Variants in POP1 observed in about 807,000 individuals in gnomAD.
POP1 encodes POP1 ribonuclease P/MRP subunit, also known as ribonucleases P/MRP protein subunit POP1.
In POP1, 75 loss-of-function variants were observed where a neutral mutation model predicts 102.2. That is an observed-to-expected ratio of 0.73 (90% CI 0.61 to 0.89). The LOEUF (loss-of-function observed/expected upper bound fraction) is 0.89. POP1 is among the 40% of genes least tolerant of loss of function. The pLI, the probability that POP1 is intolerant of heterozygous loss-of-function variation, is 0.00. For synonymous variants in POP1, 436 were observed against 464.1 expected (o/e 0.94, Z 0.78); for missense variants, 1,116 against 1,267.4 (o/e 0.88, Z 1.81).
At chr8:98,155,097 T>G (rs1279761406) in intron 14 of POP1, among the ~76,000 whole-genome samples, 1 of 152,150 alleles carries the variant, frequency 6.6e-6, no homozygotes, top group African/African-American at 2.4e-5. Context: ...AAACTTCATG[T>G]AGCCTTGAGC....
chr8:98,148,931 A>G lies in POP1; in HGVS notation c.1827A>G (p.Glu609=). 7 of 1,613,974 alleles carry G rather than the reference A, an allele frequency of 4.3e-6. No individual in the cohort carries two copies. The highest frequency in any genetic ancestry group is 5.9e-6 in the Non-Finnish European group (7 of 1,179,904). Residue 609 remains glutamate, a synonymous_variant, in exon 13 of 16, where the codon GAA becomes GAG. Coordinates refer to ENST00000401707, the MANE Select transcript of POP1 (RefSeq NM_001145860.2). ...LIQQPGKVTG[E]DRLGWGSGWD... Reference sequence around the variant, plus strand: ...AGCAGCCAGGAAAAGTGACTGGTGAAGATCGACTAGGCTGGGGAAGTGGCT... The same window carrying G: ...AGCAGCCAGGAAAAGTGACTGGTGAGGATCGACTAGGCTGGGGAAGTGGCT...
intron 1 of POP1, among the ~76,000 whole-genome samples, 196 bp from the exon 2 acceptor site, chr8:98,123,140 C>T (rs1309365996): frequency 6.6e-6 from 1 of 152,092 alleles, no homozygotes; most frequent in Non-Finnish European, 1.5e-5. Context: ...ATTTTTCATT[C>T]TTCTAACAGA....
chr8:98,150,399 G>C, intron 13 of POP1, 86 bp from the exon 14 acceptor site: 1 of 1,437,660 alleles, frequency 7.0e-7, no homozygotes, highest in East Asian at 2.3e-5. Flanking sequence ...GGGGCGTTTA[G>C]GTTGTTTCCA....
chr8:98,140,912 G>T, intron 11 of POP1, 24 bp downstream of exon 11: 1 of 1,612,122 alleles, frequency 6.2e-7, no homozygotes, highest in Non-Finnish European at 8.5e-7. Context: ...AACACCCCAG[G>T]TTTTCCTTAC....
Position 98,126,802 on chromosome 8 carries a change from C to T in POP1, c.143-793C>T, listed in dbSNP as rs117433946. ...TACCTTCAGGCTGTGTATGATAAGG[C>T]GAAAGAAGTGTAATTGAATTTTGTC... On this transcript the variant is annotated intron_variant, in intron 2 of 15. Transcript: ENST00000401707. 5.1e-3 allele frequency among the ~76,000 whole-genome samples: 772 copies of T among 152,096 alleles called. 3 individuals carry two copies. Among genetic ancestry groups the T allele is most frequent in the Middle Eastern group, 0.027 (8 of 294 alleles).
intron 5 of POP1, among the ~76,000 whole-genome samples, chr8:98,133,049 C>CA (rs35211287): frequency 0.26 from 2,230 of 8,570 alleles, 550 homozygotes; most frequent in Middle Eastern, 0.38. Flanking sequence ...TCTGTCTCTG[C>CA]AAAAAAAAAA....
intron 2 of POP1, among the ~76,000 whole-genome samples, chr8:98,124,602 A>T (rs2130578357): frequency 6.6e-6 from 1 of 152,076 alleles, no homozygotes; most frequent in Non-Finnish European, 1.5e-5. Flanking sequence ...TGAGATGAAG[A>T]TATGTATGTA....
At position 98,151,146 on chromosome 8, in the gene POP1, C is replaced by T. The variant is rs188219563; in HGVS notation, c.2057+507C>T. Among the ~76,000 whole-genome samples the T allele has an allele frequency of 3.6e-3, 542 of 151,980 alleles. 5 individuals carry two copies. The highest frequency in any genetic ancestry group is 0.012 in the African/African-American group (497 of 41,420). ...TGTTGCCCAGGCTGTAGTTCAGTGG[C>T]GTGATCTTGGCTCACTGAAACCTCT... On this transcript the variant is annotated intron_variant, in intron 14 of 15. Transcript: ENST00000401707.
chr8:98,124,000 T>A (rs1447740013), intron 2 of POP1, among the ~76,000 whole-genome samples: 2 of 152,152 alleles, frequency 1.3e-5, no homozygotes, highest in Non-Finnish European at 2.9e-5. Flanking sequence ...TGGCTATCAT[T>A]TGTGGACATA....
intron 14 of POP1, among the ~76,000 whole-genome samples, chr8:98,153,331 G>A (rs1347287563): frequency 6.6e-6 from 1 of 152,016 alleles, no homozygotes; most frequent in Non-Finnish European, 1.5e-5. Context: ...ACCCAGGAGA[G>A]GGGAGGGAAG....
At chr8:98,130,316 G>A (rs911023475) in intron 5 of POP1, 90 bp downstream of exon 5, 25 of 1,537,136 alleles carry the variant, frequency 1.6e-5, no homozygotes, top group South Asian at 9.0e-5. Context: ...GCCAAGCCCC[G>A]TTTATGTGAT....
At chr8:98,155,874 CTAT>C (rs1419855028) in intron 14 of POP1, 173 bp from the exon 15 acceptor site, 11 of 730,624 alleles carry the variant, frequency 1.5e-5, no homozygotes, top group Non-Finnish European at 2.4e-5. Flanking sequence ...TGAGCCCAGC[CTAT>C]TATTCTTTAT....
intron 1 of POP1, 81 bp from the exon 2 acceptor site, chr8:98,123,255 G>T (rs1044096119): frequency 1.3e-6 from 2 of 1,484,138 alleles, no homozygotes; most frequent in Non-Finnish European, 1.8e-6. Flanking sequence ...TGAATCACAT[G>T]AATATTTACT....
At chr8:98,134,116 T>C in intron 6 of POP1, 80 bp downstream of exon 6, 1 of 1,089,806 alleles carries the variant, frequency 9.2e-7, no homozygotes, top group Non-Finnish European at 1.4e-6. Flanking sequence ...ACTGTAAGCA[T>C]TTTGGAATTC....
intron 3 of POP1, 92 bp downstream of exon 3, chr8:98,127,854 G>T (rs1290847905): frequency 1.2e-5 from 17 of 1,367,258 alleles, no homozygotes. Context: ...TCCTGGCTCT[G>T]CCTCCCCTAC....
Position 98,136,629 on chromosome 8 carries a change from A to T in POP1, c.1159A>T (p.Lys387Ter). 6.2e-7 allele frequency: 1 copy of T among 1,614,072 alleles called. No homozygotes were observed. The highest frequency in any genetic ancestry group is 8.5e-7 in the Non-Finnish European group (1 of 1,179,960). Residue 387 changes from lysine (K) to a stop codon, truncating the protein, a stop_gained, in exon 8 of 16, where the codon AAA becomes TAA. Transcript: ENST00000401707. LOFTEE classifies it high-confidence loss of function. ...DEKIGKKRKR[K>*]DDGENAKPIK... ...GAAAATTGGCAAGAAAAGAAAAAGGAAAGATGATGGAGAAAATGCTAAACC... is the reference window on the plus strand; with the variant it reads ...GAAAATTGGCAAGAAAAGAAAAAGGTAAGATGATGGAGAAAATGCTAAACC...
intron 11 of POP1, among the ~76,000 whole-genome samples, chr8:98,145,274 A>G (rs953481842): frequency 2.6e-5 from 4 of 152,182 alleles, no homozygotes; most frequent in African/African-American, 9.7e-5. Flanking sequence ...AATCTGTCAC[A>G]CTATGGCCCA....
intron 14 of POP1, 84 bp downstream of exon 14, chr8:98,150,723 G>A (rs1809493613): frequency 7.4e-7 from 1 of 1,345,358 alleles, no homozygotes; most frequent in East Asian, 2.4e-5. Context: ...ACATTAGGAT[G>A]GCTTTGGTAA....
intron 14 of POP1, among the ~76,000 whole-genome samples, chr8:98,151,734 G>A (rs62522203): frequency 0.13 from 18,348 of 145,924 alleles, 1,255 homozygotes; most frequent in Middle Eastern, 0.26. Context: ...CAGTCTGCCT[G>A]GCTTGCTTTT....
Sources: gnomAD v4.1 joint callset for allele counts (sites outside exome capture counted in the v4.1 genomes callset) on GRCh38, gnomAD v4.1.1 for gene constraint, MANE v1.5 for transcripts, NCBI Gene and HGNC (gene_info 2026-07-23, HGNC 2026-07-21) for gene names.